Variants in SPAST observed in about 807,000 individuals in gnomAD.
The protein encoded by SPAST is spastin.
SPAST carries 30 observed loss-of-function variants against 76.6 expected under a neutral mutation model. That is an observed-to-expected ratio of 0.39 (90% CI 0.29 to 0.53). The LOEUF is 0.53. Ranked by LOEUF, SPAST falls within the 20% of genes least tolerant of loss-of-function variation. SPAST has a pLI of 0.68. For missense variants in SPAST, 717 were observed against 770.5 expected (o/e 0.93, Z 0.82); for synonymous variants, 305 against 281.0 (o/e 1.09, Z -0.86).
At chr2:32,154,288 C>T (rs1264685016) in intron 16 of SPAST, 86 bp from the exon 17 acceptor site, 1 of 1,114,702 alleles carries the variant, frequency 9.0e-7, no homozygotes, top group East Asian at 2.4e-5. Flanking sequence ...TAAGAAACAG[C>T]AGCATCATTA....
Position 32,099,372 on chromosome 2 carries a change from T to G in SPAST, c.682+481T>G, listed in dbSNP as rs56114041. ...AACTTCACATAGTGAGGAGAAACAT[T>G]ACAGTATTATTTGCTATGGATTAAC... On this transcript the variant is annotated intron_variant, in intron 4 of 16. Transcript: ENST00000315285. Among the ~76,000 whole-genome samples, 141 of 152,306 alleles carry G rather than the reference T, an allele frequency of 9.3e-4. 1 individual carries two copies. The highest frequency in any genetic ancestry group is 3.4e-3 in the Middle Eastern group (1 of 294).
chr2:32,121,035 C>CT (rs1678999875), intron 7 of SPAST, among the ~76,000 whole-genome samples: 1 of 152,166 alleles, frequency 6.6e-6, no homozygotes, highest in Non-Finnish European at 1.5e-5. Flanking sequence ...CTTCTTATTT[C>CT]TATTTCCCAA....
chr2:32,104,398 G>C (rs539158996), intron 4 of SPAST, among the ~76,000 whole-genome samples: 15 of 152,152 alleles, frequency 9.9e-5, no homozygotes, highest in South Asian at 4.2e-4. Flanking sequence ...GTCTTGACTC[G>C]TTATCCAATT....
rs1380226832 is a variant in SPAST at position 32,114,797 on chromosome 2, G to T, written c.842G>T (p.Gly281Val). ...TCCATGGTTTCTGGAGTGAAACAGG[G>T]ATCTGGTCCTGCTCCTACCACTCAT... The part of the protein sequence containing the change: ...GLSMVSGVKQ[G>V]SGPAPTTHKG... The change falls in exon 5 of 17, where the codon GGA becomes GTA. Residue 281 changes from glycine (G) to valine (V), a missense_variant. This residue lies in a region of SPAST where 543 missense variants were observed against 445.2 expected (regional missense o/e 1.22). Coordinates refer to ENST00000315285, the MANE Select transcript of SPAST (RefSeq NM_014946.4). The T allele has an allele frequency of 1.2e-6, 2 of 1,613,980 alleles. No individual in the cohort carries two copies. Among genetic ancestry groups the T allele is most frequent in the Non-Finnish European group, 1.7e-6 (2 of 1,179,998 alleles).
At chr2:32,104,411 C>T (rs553063422) in intron 4 of SPAST, among the ~76,000 whole-genome samples, 49 of 152,270 alleles carry the variant, frequency 3.2e-4, no homozygotes, top group Admixed American at 2.9e-3. Context: ...ATCCAATTTG[C>T]CAGTCTGTGT....
chr2:32,081,462 G>A (rs1677219299), intron 1 of SPAST, among the ~76,000 whole-genome samples: 1 of 152,046 alleles, frequency 6.6e-6, no homozygotes, highest in Non-Finnish European at 1.5e-5. Flanking sequence ...GCTTCTCCTG[G>A]GCATGCTCTG....
chr2:32,121,990 A>C (rs1679037316), intron 7 of SPAST, among the ~76,000 whole-genome samples: 1 of 152,098 alleles, frequency 6.6e-6, no homozygotes, highest in Non-Finnish European at 1.5e-5. Context: ...CTTCTCTCAA[A>C]TGTCTGGTTA....
intron 2 of SPAST, among the ~76,000 whole-genome samples, chr2:32,089,199 A>ATTTTTTTTTTTTT (rs375585004): frequency 8.9e-5 from 8 of 89,890 alleles, no homozygotes; most frequent in South Asian, 4.6e-4. Context: ...TGCTCGGCTA[A>ATTTTTTTTTTTTT]TTTTTTTTTT....
chr2:32,101,899 C>T (rs1355329984), intron 4 of SPAST, among the ~76,000 whole-genome samples: 2 of 152,126 alleles, frequency 1.3e-5, no homozygotes, highest in African/African-American at 4.8e-5. Flanking sequence ...AGTTTGAAGT[C>T]AGGTAGCACG....
intron 1 of SPAST, among the ~76,000 whole-genome samples, chr2:32,076,926 A>G (rs1031088652): frequency 6.6e-6 from 1 of 151,860 alleles, no homozygotes; most frequent in Non-Finnish European, 1.5e-5. Flanking sequence ...CCCAGGCTAG[A>G]GTGCAGTGGC....
intron 9 of SPAST, among the ~76,000 whole-genome samples, chr2:32,130,794 A>G (rs1469538256): frequency 6.6e-6 from 1 of 151,620 alleles, no homozygotes; most frequent in Non-Finnish European, 1.5e-5. Context: ...GCCTCTTTCC[A>G]TGAGAGGCTC....
intron 1 of SPAST, among the ~76,000 whole-genome samples, chr2:32,065,433 T>TA (rs1367220401): frequency 6.6e-6 from 1 of 152,222 alleles, no homozygotes; most frequent in South Asian, 2.1e-4. Flanking sequence ...AAGTGTTATT[T>TA]AATCCTCACA....
chr2:32,113,854 A>G (rs1471614351), intron 4 of SPAST, among the ~76,000 whole-genome samples: 2 of 152,080 alleles, frequency 1.3e-5, no homozygotes, highest in African/African-American at 2.4e-5. Context: ...GGTGTGAGCC[A>G]TCGCGCCCGG....
intron 12 of SPAST, among the ~76,000 whole-genome samples, chr2:32,141,351 G>C (rs534586425): frequency 1.3e-5 from 2 of 152,306 alleles, no homozygotes; most frequent in South Asian, 2.1e-4. Context: ...GCAGAGCCAG[G>C]CTTCATATGC....
Position 32,115,592 on chromosome 2 carries a change from C to A in SPAST, c.871-110C>A, listed in dbSNP as rs976091978. The A allele has an allele frequency of 3.8e-6, 3 of 784,542 alleles. No homozygotes were observed. The African/African-American group carries it at 5.3e-5, about 14-fold the overall frequency. The allele number at this position is 784,542 out of a possible 1,614,324, so 48.6% of individuals were successfully genotyped here. A position where few individuals can be genotyped will look rare whatever the true frequency, so the allele number is the denominator to read the frequency against. ...ATATACAATTTATGGATTTTTATAC[C>A]CTTTTTCCTATTTTTAAAGCTTGAA... On this transcript the variant is annotated intron_variant, in intron 5 of 16. Transcript: ENST00000315285.
chr2:32,117,340 G>A (rs1019076867), intron 7 of SPAST, among the ~76,000 whole-genome samples: 4 of 152,016 alleles, frequency 2.6e-5, no homozygotes, highest in African/African-American at 7.2e-5. Flanking sequence ...AGTGGCCCCT[G>A]ACACAATGAG....
chr2:32,111,124 TA>T (rs2148729078), intron 4 of SPAST, among the ~76,000 whole-genome samples: 2 of 123,802 alleles, frequency 1.6e-5, no homozygotes, highest in South Asian at 5.2e-4. Flanking sequence ...ATAGTGTGTA[TA>T]GAGTATATAT....
At chr2:32,148,810 C>CAAAA (rs372253559) in intron 16 of SPAST, among the ~76,000 whole-genome samples, 1 of 120,648 alleles carries the variant, frequency 8.3e-6, no homozygotes, top group African/African-American at 3.1e-5. Flanking sequence ...GACTCCATCT[C>CAAAA]AAAAAAAAAA....
At chr2:32,094,657 G>A (rs985762969) in intron 3 of SPAST, among the ~76,000 whole-genome samples, 2 of 152,168 alleles carry the variant, frequency 1.3e-5, no homozygotes, top group Admixed American at 1.3e-4. Flanking sequence ...CCTGTGAAAT[G>A]GGGAGCAGTT....
Sources: allele counts gnomAD v4.1 joint callset (sites outside exome capture counted in the v4.1 genomes callset), GRCh38; gene constraint gnomAD v4.1.1; regional missense constraint gnomAD v4.1.1; transcripts MANE v1.5; gene names NCBI Gene and HGNC (gene_info 2026-07-23, HGNC 2026-07-21).